UBE2V2: variants seen among roughly 807,000 people sequenced by gnomAD.
The protein encoded by UBE2V2 is ubiquitin-conjugating enzyme E2 variant 2.
Under a neutral mutation model 17.2 loss-of-function variants are expected in UBE2V2, and 9 were observed. That is an observed-to-expected ratio of 0.52 (90% CI 0.32 to 0.91). The LOEUF (loss-of-function observed/expected upper bound fraction) is 0.91. UBE2V2 is among the 40% of genes least tolerant of loss of function. The pLI is 0.04. For synonymous variants in UBE2V2, 61 were observed against 57.5 expected (o/e 1.06, Z -0.28); for missense variants, 133 against 182.6 (o/e 0.73, Z 1.56).
rs113519062 is a variant in UBE2V2, at chr8:48,028,948, C to T, written c.17-14085C>T. On this transcript the variant is annotated intron_variant, in intron 1 of 3. Coordinates refer to ENST00000523111, the MANE Select transcript of UBE2V2 (RefSeq NM_003350.3). ...TTTCTTGATGTTGTCCTTTGGAACC[C>T]AAAAGTTTAAAATTTTGATGAAGAC... 3.9e-4 allele frequency among the ~76,000 whole-genome samples: 60 copies of T among 152,086 alleles called. 1 individual carries two copies. Among genetic ancestry groups the T allele is most frequent in the African/African-American group, 1.4e-3 (58 of 41,492 alleles).
At chr8:48,018,401 C>T (rs1336657245) in intron 1 of UBE2V2, among the ~76,000 whole-genome samples, 2 of 151,954 alleles carry the variant, frequency 1.3e-5, no homozygotes, top group East Asian at 3.9e-4. Context: ...TTTTTAATAT[C>T]TTCATTGACC....
At chr8:48,014,789 GC>G (rs2091257218) in intron 1 of UBE2V2, among the ~76,000 whole-genome samples, 1 of 151,422 alleles carries the variant, frequency 6.6e-6, no homozygotes, top group African/African-American at 2.4e-5. Context: ...GGTGGCTCAC[GC>G]CCGTAATCCT....
upstream of UBE2V2, among the ~76,000 whole-genome samples, chr8:48,004,400 A>G (rs959963181): frequency 4.0e-5 from 6 of 151,652 alleles, no homozygotes; most frequent in Non-Finnish European, 5.9e-5. Context: ...CAGTTAGGTT[A>G]TTGTGTCAGG....
chr8:48,004,246 A>T (rs563713421), upstream of UBE2V2, among the ~76,000 whole-genome samples: 12 of 152,302 alleles, frequency 7.9e-5, no homozygotes, highest in East Asian at 1.4e-3. Flanking sequence ...GTGTTTAAGA[A>T]ATATTGATAT....
chr8:48,019,571 C>A (rs554805205), intron 1 of UBE2V2, among the ~76,000 whole-genome samples: 4 of 150,932 alleles, frequency 2.7e-5, no homozygotes, highest in Admixed American at 6.6e-5. Context: ...AATCCCAGCA[C>A]TTTGGGAGGC....
At chr8:48,055,452 C>T (rs1191002903) in intron 3 of UBE2V2, among the ~76,000 whole-genome samples, 1 of 151,984 alleles carries the variant, frequency 6.6e-6, no homozygotes, top group Non-Finnish European at 1.5e-5. Flanking sequence ...CCACCCACCT[C>T]AGCCTACCAA....
chr8:48,029,421 A>T (rs2091367896), intron 1 of UBE2V2, among the ~76,000 whole-genome samples: 1 of 152,218 alleles, frequency 6.6e-6, no homozygotes, highest in Admixed American at 6.5e-5. Flanking sequence ...CTGATGAAGT[A>T]CTGTGAATTC....
chr8:48,030,109 A>G (rs1037450232), intron 1 of UBE2V2, among the ~76,000 whole-genome samples: 1 of 152,234 alleles, frequency 6.6e-6, no homozygotes, highest in Non-Finnish European at 1.5e-5. Context: ...TGCTACATTC[A>G]TTGGCTTATC....
At chr8:48,059,600 G>T (rs1210841341) in intron 3 of UBE2V2, among the ~76,000 whole-genome samples, 1 of 151,958 alleles carries the variant, frequency 6.6e-6, no homozygotes, top group Non-Finnish European at 1.5e-5. Flanking sequence ...GTAGAGGCGG[G>T]GTTTCACTAT....
chr8:48,057,895 C>G (rs2091583067), intron 3 of UBE2V2, among the ~76,000 whole-genome samples: 1 of 152,052 alleles, frequency 6.6e-6, no homozygotes, highest in Admixed American at 6.6e-5. Context: ...TTTGAATTGT[C>G]TATATACCAG....
intron 1 of UBE2V2, among the ~76,000 whole-genome samples, chr8:48,037,245 T>G (rs571402666): frequency 5.4e-4 from 83 of 152,388 alleles, no homozygotes; most frequent in African/African-American, 1.8e-3. Flanking sequence ...AGGGATTGGT[T>G]GTTTCTTTTA....
intron 2 of UBE2V2, among the ~76,000 whole-genome samples, chr8:48,045,016 A>G (rs1239758120): frequency 6.6e-6 from 1 of 152,050 alleles, no homozygotes; most frequent in Non-Finnish European, 1.5e-5. Context: ...ACTAGTTGCC[A>G]TTCCTGGTGT....
upstream of UBE2V2, among the ~76,000 whole-genome samples, chr8:48,007,788 T>C (rs995552352): frequency 6.6e-6 from 1 of 151,644 alleles, no homozygotes; most frequent in African/African-American, 2.4e-5. Context: ...CAGGCTGGAG[T>C]GCAGCGATTT....
intron 1 of UBE2V2, among the ~76,000 whole-genome samples, chr8:48,037,922 A>G (rs1167290847): frequency 6.6e-6 from 1 of 152,156 alleles, no homozygotes; most frequent in Non-Finnish European, 1.5e-5. Context: ...TTTATGCTTA[A>G]AACCCCTCCC....
At chr8:48,003,673 G>C (rs1036635247), upstream of UBE2V2, among the ~76,000 whole-genome samples, 1 of 152,172 alleles carries the variant, frequency 6.6e-6, no homozygotes, top group Non-Finnish European at 1.5e-5. Context: ...ATGTTACAGA[G>C]AGAACATATT....
intron 3 of UBE2V2, among the ~76,000 whole-genome samples, chr8:48,055,017 G>A (rs1170615882): frequency 6.7e-6 from 1 of 150,124 alleles, no homozygotes; most frequent in Non-Finnish European, 1.5e-5. Flanking sequence ...GGAAGTGTTT[G>A]TTTCTGATTT....
the UBE2V2 span, among the ~76,000 whole-genome samples, chr8:48,000,821 CAAAAA>C: frequency 9.8e-5 from 2 of 20,488 alleles, no homozygotes; most frequent in African/African-American, 3.1e-4. Flanking sequence ...GACTTTGCCT[CAAAAA>C]AAAAAAAAAA....
At chr8:48,025,331 G>A (rs1417216650) in intron 1 of UBE2V2, among the ~76,000 whole-genome samples, 6 of 150,684 alleles carry the variant, frequency 4.0e-5, no homozygotes, top group East Asian at 1.9e-4. Flanking sequence ...GTAGTGGTGC[G>A]ATCTCGGCTC....
At chr8:48,037,410 C>T (rs879343582) in intron 1 of UBE2V2, among the ~76,000 whole-genome samples, 1 of 152,222 alleles carries the variant, frequency 6.6e-6, no homozygotes, top group South Asian at 2.1e-4. Flanking sequence ...CTGTACTAGG[C>T]TCTTGTGTGT....
Sources: allele counts gnomAD v4.1 joint callset (sites outside exome capture counted in the v4.1 genomes callset), GRCh38; gene constraint gnomAD v4.1.1; transcripts MANE v1.5; gene names NCBI Gene and HGNC (gene_info 2026-07-23, HGNC 2026-07-21).